Variants in KIRREL3 observed in about 807,000 individuals in gnomAD.
KIRREL3 encodes kirre like nephrin family adhesion molecule 3.
Under a neutral mutation model 89.7 loss-of-function variants are expected in KIRREL3, and 36 were observed. The ratio of observed to expected loss-of-function variants is 0.40; its 90% confidence interval spans 0.31 to 0.53. The LOEUF (loss-of-function observed/expected upper bound fraction) is 0.53. KIRREL3 is among the 20% of genes least tolerant of loss of function. KIRREL3 has a pLI of 0.49. For synonymous variants in KIRREL3, 445 were observed against 441.4 expected (o/e 1.01, Z -0.10); for missense variants, 864 against 1,056.6 (o/e 0.82, Z 2.53).
At chr11:126,820,603 A>G (rs1474414871) in intron 1 of KIRREL3, among the ~76,000 whole-genome samples, 2 of 152,186 alleles carry the variant, frequency 1.3e-5, no homozygotes, top group African/African-American at 4.8e-5. Context: ...CAGACTTCAT[A>G]GCAGGCAAGT....
intron 11 of KIRREL3, among the ~76,000 whole-genome samples, chr11:126,437,293 C>T (rs906933135): frequency 1.1e-4 from 16 of 152,148 alleles, no homozygotes; most frequent in African/African-American, 2.9e-4. Context: ...ACACATCACA[C>T]GTCTATACAC....
chr11:126,684,305 T>A lies in KIRREL3; in HGVS notation c.56-121393A>T, dbSNP rs1205051384. On this transcript the variant is annotated intron_variant, in intron 1 of 16. Coordinates refer to ENST00000525144, the MANE Select transcript of KIRREL3 (RefSeq NM_032531.4). This position sits in a 1 kb window ranked among gnomAD's most constrained non-coding sequence, Gnocchi z 4.2. Reference sequence around the variant, plus strand: ...TCTGAAAGCGGGAGTTAGACTAGATTGGGGCTTTCAACATTGCTGATATTT... The same window carrying A: ...TCTGAAAGCGGGAGTTAGACTAGATAGGGGCTTTCAACATTGCTGATATTT... Among the ~76,000 whole-genome samples the A allele has an allele frequency of 2.0e-5, 3 of 152,190 alleles. No homozygotes were observed. The highest frequency in any genetic ancestry group is 2.9e-5 in the Non-Finnish European group (2 of 68,044).
intron 5 of KIRREL3, among the ~76,000 whole-genome samples, chr11:126,464,192 A>G (rs1956642000): frequency 6.6e-6 from 1 of 151,998 alleles, no homozygotes; most frequent in Admixed American, 6.6e-5. Context: ...CTTAAACCCA[A>G]TGACTGGTGT....
chr11:126,754,223 C>T lies in KIRREL3; in HGVS notation c.56-191311G>A, dbSNP rs1818933851. The stretch of plus-strand genomic sequence containing the variant: ...TGTCTTTTGATAGAGTAGTCCCTGC[C>T]AAAAGTTTTGCTTTGCATCTGGCTA... On this transcript the variant is annotated intron_variant, in intron 1 of 16. Transcript: ENST00000525144. The surrounding 1 kb of genome is among the most constrained non-coding windows in gnomAD (Gnocchi z 5.1). 6.6e-6 allele frequency among the ~76,000 whole-genome samples: 1 copy of T among 152,118 alleles called. No individual in the cohort carries two copies. Among genetic ancestry groups the T allele is most frequent in the African/African-American group, 2.4e-5 (1 of 41,414 alleles).
At position 126,814,781 on chromosome 11, in the gene KIRREL3, G is replaced by T. The variant is rs1425683788; in HGVS notation, c.55+185674C>A. ...TGGGACCTGATGGGGGTGTGGGTTG[G>T]GGGAGGGAGAGCACTAGGAAGAATA... On this transcript the variant is annotated intron_variant, in intron 1 of 16. Transcript: ENST00000525144. This position sits in a 1 kb window ranked among gnomAD's most constrained non-coding sequence, Gnocchi z 4.4. 6.6e-6 allele frequency among the ~76,000 whole-genome samples: 1 copy of T among 152,162 alleles called. No individual in the cohort carries two copies. Among genetic ancestry groups the T allele is most frequent in the African/African-American group, 2.4e-5 (1 of 41,424 alleles).
chr11:126,554,750 G>A (rs1437891557), intron 2 of KIRREL3, among the ~76,000 whole-genome samples: 1 of 152,086 alleles, frequency 6.6e-6, no homozygotes, highest in Non-Finnish European at 1.5e-5. Flanking sequence ...CTTAAGCCTG[G>A]AACTGCAGCC....
intron 1 of KIRREL3, among the ~76,000 whole-genome samples, chr11:126,842,170 G>T (rs1943985171): frequency 6.6e-6 from 1 of 152,108 alleles, no homozygotes; most frequent in Non-Finnish European, 1.5e-5. Context: ...TGTTCGGAGG[G>T]CCAGCTCTGT....
At chr11:126,923,421 C>T (rs565901619) in intron 1 of KIRREL3, among the ~76,000 whole-genome samples, 2 of 135,636 alleles carry the variant, frequency 1.5e-5, no homozygotes, top group East Asian at 4.4e-4. Context: ...CCTTCTTCTT[C>T]TTCCTCTTCC....
At position 126,553,930 on chromosome 11, in the gene KIRREL3, G is replaced by A. The variant is rs189388760; in HGVS notation, c.133+8905C>T. 3.3e-5 allele frequency among the ~76,000 whole-genome samples: 5 copies of A among 152,256 alleles called. No individual in the cohort carries two copies. Among genetic ancestry groups the A allele is most frequent in the East Asian group, 1.9e-4 (1 of 5,178 alleles). On this transcript the variant is annotated intron_variant, in intron 2 of 16. Coordinates refer to ENST00000525144, the MANE Select transcript of KIRREL3 (RefSeq NM_032531.4). The surrounding 1 kb of genome is among the most constrained non-coding windows in gnomAD (Gnocchi z 4.7). ...TTGTCTGATCAAAGTAGTAACCTTC[G>A]AAACAGGTTGGTGTCCATTCACATT... is the stretch of plus-strand genomic sequence containing the variant.
At chr11:126,857,409 T>C (rs1353360580) in intron 1 of KIRREL3, among the ~76,000 whole-genome samples, 1 of 152,200 alleles carries the variant, frequency 6.6e-6, no homozygotes, top group East Asian at 1.9e-4. Flanking sequence ...AGTATTTGCT[T>C]AGAAAGTCCA....
At chr11:126,922,711 G>GCAGCAA (rs1233705123) in intron 1 of KIRREL3, among the ~76,000 whole-genome samples, 6 of 150,416 alleles carry the variant, frequency 4.0e-5, no homozygotes, top group Non-Finnish European at 8.9e-5. Context: ...AGCAGGAGCA[G>GCAGCAA]CAGCAACAAC....
chr11:126,529,965 C>CT (rs5795503), intron 2 of KIRREL3, among the ~76,000 whole-genome samples: 41,950 of 147,386 alleles, frequency 0.28, 7,280 homozygotes, highest in African/African-American at 0.5. Context: ...ATGGAACCCA[C>CT]TTTTTTTTTT....
chr11:126,443,207 G>A lies in KIRREL3; in HGVS notation c.1252+1772C>T, dbSNP rs1257020152. Among the ~76,000 whole-genome samples the A allele has an allele frequency of 6.6e-6, 1 of 152,194 alleles. No individual in the cohort carries two copies. The highest frequency in any genetic ancestry group is 1.5e-5 in the Non-Finnish European group (1 of 68,048). Reference sequence around the variant, plus strand: ...CCTGGAGTGCATGAGTGAGTGTGAGGGTCCCGGGCTGGCTGGTCATAGGGC... The same window carrying A: ...CCTGGAGTGCATGAGTGAGTGTGAGAGTCCCGGGCTGGCTGGTCATAGGGC... On this transcript the variant is annotated intron_variant, in intron 10 of 16. Coordinates refer to ENST00000525144, the MANE Select transcript of KIRREL3 (RefSeq NM_032531.4). The surrounding 1 kb of genome is among the most constrained non-coding windows in gnomAD (Gnocchi z 7.3).
In KIRREL3 at chr11:126,516,029, G is replaced by A. The variant is rs1031849536; in HGVS notation, c.433+5286C>T. Among the ~76,000 whole-genome samples, 3 of 152,194 alleles carry A rather than the reference G, an allele frequency of 2.0e-5. No homozygotes were observed. The highest frequency in any genetic ancestry group is 6.5e-5 in the Admixed American group (1 of 15,284). ...GATTGGGGGAGGCTGCCAACGCGGT[G>A]GGCTGAGGAGGCCCTGCAGCTCTGC... On this transcript the variant is annotated intron_variant, in intron 4 of 16. Transcript: ENST00000525144. The surrounding 1 kb of genome is among the most constrained non-coding windows in gnomAD (Gnocchi z 4.9).
intron 1 of KIRREL3, among the ~76,000 whole-genome samples, chr11:126,921,330 A>T (rs1275661049): frequency 6.6e-6 from 1 of 152,072 alleles, no homozygotes; most frequent in African/African-American, 2.4e-5. Flanking sequence ...TTATCATGGG[A>T]CTTCTCAGCC....
Position 126,521,696 on chromosome 11 carries a change from G to C in KIRREL3, c.284-232C>G, listed in dbSNP as rs55841105. Among the ~76,000 whole-genome samples, 9 of 53,394 alleles carry C rather than the reference G, an allele frequency of 1.7e-4. No homozygotes were observed. The highest frequency in any genetic ancestry group is 3.9e-4 in the Admixed American group (2 of 5,066). The allele number at this position is 53,394 out of a possible 152,430, so 35.0% of individuals were successfully genotyped here. On this transcript the variant is annotated intron_variant, in intron 3 of 16. Coordinates refer to ENST00000525144, the MANE Select transcript of KIRREL3 (RefSeq NM_032531.4). This position sits in a 1 kb window ranked among gnomAD's most constrained non-coding sequence, Gnocchi z 4.1. ...TCTGTATGTGTGTGTGTGTGTGTGTGTGTGTGTGTGTGTGTGTGTGTGTGT... is the reference window on the plus strand; with the variant it reads ...TCTGTATGTGTGTGTGTGTGTGTGTCTGTGTGTGTGTGTGTGTGTGTGTGT...
At chr11:126,813,964 G>C (rs1289558384) in intron 1 of KIRREL3, among the ~76,000 whole-genome samples, 1 of 152,108 alleles carries the variant, frequency 6.6e-6, no homozygotes, top group Admixed American at 6.5e-5. Context: ...ACTATCATCA[G>C]AGTAAACAGA....
rs571015381 is a variant in KIRREL3 at position 126,970,633 on chromosome 11, C to T, written c.55+29822G>A. 5.9e-5 allele frequency among the ~76,000 whole-genome samples: 9 copies of T among 152,140 alleles called. No homozygotes were observed. The South Asian group carries it at 1.7e-3, about 28-fold the overall frequency. On this transcript the variant is annotated intron_variant, in intron 1 of 16. Coordinates refer to ENST00000525144, the MANE Select transcript of KIRREL3 (RefSeq NM_032531.4). The surrounding 1 kb of genome is among the most constrained non-coding windows in gnomAD (Gnocchi z 4.4). Reference sequence around the variant, plus strand: ...CTTTTACTTTTGTGTACTCAGTTACCGAATTGCTAATGAATTTACTAATGT... The same window carrying T: ...CTTTTACTTTTGTGTACTCAGTTACTGAATTGCTAATGAATTTACTAATGT...
At chr11:126,806,062 G>A (rs1951194399) in intron 1 of KIRREL3, among the ~76,000 whole-genome samples, 1 of 152,198 alleles carries the variant, frequency 6.6e-6, no homozygotes, top group Admixed American at 6.5e-5. Context: ...CCTGGCAGTT[G>A]TACAAACATC....
Sources: gnomAD v4.1 joint callset for allele counts (sites outside exome capture counted in the v4.1 genomes callset) on GRCh38, gnomAD v4.1.1 for gene constraint, Gnocchi (gnomAD v3.1) non-coding constraint, MANE v1.5 for transcripts, NCBI Gene and HGNC (gene_info 2026-07-23, HGNC 2026-07-21) for gene names.